TMCC1: variants seen among roughly 807,000 people sequenced by gnomAD.
The protein encoded by TMCC1 is transmembrane and coiled-coil domain family 1.
Under a neutral mutation model 52.4 loss-of-function variants are expected in TMCC1, and 15 were observed. The observed-to-expected ratio is 0.29, with a 90% CI of 0.19 to 0.44. TMCC1 has a LOEUF of 0.44. TMCC1 is among the 20% of genes least tolerant of loss of function. TMCC1 has a pLI of 1.00. For missense variants in TMCC1, 503 were observed against 806.0 expected, an observed-to-expected ratio of 0.62 and a Z score of 4.55; for synonymous variants, 279 against 301.9, an observed-to-expected ratio of 0.92 and a Z score of 0.79.
At chr3:129,883,253 A>C (rs2061545781) in intron 1 of TMCC1, among the ~76,000 whole-genome samples, 2 of 152,122 alleles carry the variant, frequency 1.3e-5, no homozygotes, top group African/African-American at 2.4e-5. Flanking sequence ...CGGAGGTTGC[A>C]GTGAGCTGAG....
At chr3:129,891,145 A>G (rs1344691908) in intron 1 of TMCC1, among the ~76,000 whole-genome samples, 1 of 152,148 alleles carries the variant, frequency 6.6e-6, no homozygotes, top group African/African-American at 2.4e-5. Context: ...CAACTCAAAT[A>G]CCTTCTCCTT....
chr3:129,830,946 T>C (rs938447930), intron 3 of TMCC1, among the ~76,000 whole-genome samples: 14 of 152,132 alleles, frequency 9.2e-5, no homozygotes, highest in African/African-American at 3.4e-4. Context: ...TTTGTTTTTG[T>C]TTTTTTGAGA....
At chr3:129,876,782 G>A (rs781260489) in intron 2 of TMCC1, among the ~76,000 whole-genome samples, 6 of 151,928 alleles carry the variant, frequency 3.9e-5, no homozygotes, top group African/African-American at 7.3e-5. Flanking sequence ...GTGAAACTCC[G>A]TCTCTACTAA....
chr3:129,687,161 C>A (rs2089467073), intron 4 of TMCC1, among the ~76,000 whole-genome samples: 1 of 152,030 alleles, frequency 6.6e-6, no homozygotes, highest in South Asian at 2.1e-4. Context: ...ACCAATGAGT[C>A]AGCAAAAAGT....
intron 4 of TMCC1, among the ~76,000 whole-genome samples, chr3:129,782,024 T>A (rs1294199947): frequency 9.2e-5 from 14 of 151,972 alleles, no homozygotes; most frequent in Non-Finnish European, 2.9e-5. Flanking sequence ...TTAACTGAGA[T>A]GGGGAAGACC....
At chr3:129,783,418 G>A (rs1164296760) in intron 4 of TMCC1, among the ~76,000 whole-genome samples, 2 of 152,118 alleles carry the variant, frequency 1.3e-5, no homozygotes, top group Non-Finnish European at 2.9e-5. Context: ...CCAATAGTCA[G>A]TACAGCTCTA....
At chr3:129,756,983 A>C (rs1335959898) in intron 4 of TMCC1, among the ~76,000 whole-genome samples, 1 of 152,198 alleles carries the variant, frequency 6.6e-6, no homozygotes, top group Admixed American at 6.5e-5. Flanking sequence ...GCTTGACATA[A>C]GTTTCTGAAA....
At chr3:129,873,373 G>GAAA (rs746434981) in intron 2 of TMCC1, among the ~76,000 whole-genome samples, 2 of 127,120 alleles carry the variant, frequency 1.6e-5, no homozygotes, top group Non-Finnish European at 1.7e-5. Context: ...CTATGCAGCT[G>GAAA]AAAAAAAAAA....
chr3:129,804,672 G>A (rs1038684936), intron 4 of TMCC1, among the ~76,000 whole-genome samples: 6 of 152,086 alleles, frequency 3.9e-5, no homozygotes, highest in African/African-American at 1.4e-4. Context: ...GAGAGTATGT[G>A]GTAGTATTCA....
chr3:129,824,063 C>T (rs773014209), intron 4 of TMCC1, among the ~76,000 whole-genome samples: 1 of 152,124 alleles, frequency 6.6e-6, no homozygotes, highest in Non-Finnish European at 1.5e-5. Context: ...TGGCTGGGCG[C>T]GGTGGCTCAT....
chr3:129,734,434 T>C (rs952084038), intron 4 of TMCC1, among the ~76,000 whole-genome samples: 2 of 152,182 alleles, frequency 1.3e-5, no homozygotes, highest in African/African-American at 2.4e-5. Flanking sequence ...CATAGACATA[T>C]TTGTTATTTG....
chr3:129,835,345 A>ATATTT (rs986152419), intron 2 of TMCC1, among the ~76,000 whole-genome samples: 10 of 151,644 alleles, frequency 6.6e-5, no homozygotes, highest in African/African-American at 2.4e-4. Flanking sequence ...ATATATATAT[A>ATATTT]TTTTAATGAC....
chr3:129,736,306 G>A (rs565593001), intron 4 of TMCC1, among the ~76,000 whole-genome samples: 2 of 152,296 alleles, frequency 1.3e-5, no homozygotes, highest in Non-Finnish European at 2.9e-5. Context: ...ATCCCGTGCA[G>A]AGCCTGCCAG....
intron 2 of TMCC1, among the ~76,000 whole-genome samples, chr3:129,863,032 G>A (rs1308946241): frequency 6.6e-6 from 1 of 152,090 alleles, no homozygotes; most frequent in Non-Finnish European, 1.5e-5. Flanking sequence ...GTCAAGATTC[G>A]TTTTCATTGT....
intron 4 of TMCC1, among the ~76,000 whole-genome samples, chr3:129,692,936 G>A (rs1037703028): frequency 7.9e-5 from 12 of 152,072 alleles, no homozygotes; most frequent in South Asian, 6.2e-4. Flanking sequence ...TCCATCTCCC[G>A]GGCTCAAGTG....
At chr3:129,763,696 G>A (rs1284949563) in intron 4 of TMCC1, among the ~76,000 whole-genome samples, 1 of 151,376 alleles carries the variant, frequency 6.6e-6, no homozygotes, top group Non-Finnish European at 1.5e-5. Flanking sequence ...ACCATCCCTG[G>A]AATTCTCCCA....
chr3:129,678,954 G>A (rs1168412609), intron 4 of TMCC1, among the ~76,000 whole-genome samples: 3 of 152,064 alleles, frequency 2.0e-5, no homozygotes, highest in Non-Finnish European at 2.9e-5. Context: ...GTCAGATTAC[G>A]ACACTCTTTT....
At chr3:129,871,136 A>AGAGCCT (rs2060909237) in intron 2 of TMCC1, among the ~76,000 whole-genome samples, 2 of 152,144 alleles carry the variant, frequency 1.3e-5, no homozygotes, top group South Asian at 4.1e-4. Flanking sequence ...AGACAGGTGG[A>AGAGCCT]GAGCCTGAGG....
chr3:129,696,581 T>C (rs1173492789), intron 4 of TMCC1, among the ~76,000 whole-genome samples: 1 of 152,144 alleles, frequency 6.6e-6, no homozygotes, highest in African/African-American at 2.4e-5. Flanking sequence ...TTCCCAACAG[T>C]CCCCGAAAGT....
Sources: gnomAD v4.1 joint callset for allele counts (sites outside exome capture counted in the v4.1 genomes callset) on GRCh38, gnomAD v4.1.1 for gene constraint, MANE v1.5 for transcripts, NCBI Gene and HGNC (gene_info 2026-07-23, HGNC 2026-07-21) for gene names.